Variants in MGAT4C observed in about 807,000 individuals in gnomAD.
MGAT4C encodes the protein MGAT4 family member C, also known as alpha-1,3-mannosyl-glycoprotein 4-beta-N-acetylglucosaminyltransferase C.
A neutral mutation model predicts 40.1 loss-of-function variants in MGAT4C; 19 were observed. That is an observed-to-expected ratio of 0.47 (90% CI 0.33 to 0.70). The LOEUF (loss-of-function observed/expected upper bound fraction) is 0.70, where lower values mean the gene tolerates loss of function less well. Ranked by LOEUF, MGAT4C falls within the 30% of genes least tolerant of loss-of-function variation. The pLI, the probability that MGAT4C is intolerant of heterozygous loss-of-function variation, is 0.02. For missense variants in MGAT4C, 491 were observed against 563.2 expected (o/e 0.87, Z 1.30); for synonymous variants, 181 against 187.1 (o/e 0.97, Z 0.27).
At chr12:86,673,090 A>G (rs2136566309) in intron 2 of MGAT4C, among the ~76,000 whole-genome samples, 1 of 152,280 alleles carries the variant, frequency 6.6e-6, no homozygotes, top group South Asian at 2.1e-4. Flanking sequence ...TCAGTGCCAA[A>G]GTGATAACTA....
At chr12:86,131,601 A>C (rs1881189795) in intron 1 of MGAT4C, among the ~76,000 whole-genome samples, 1 of 152,060 alleles carries the variant, frequency 6.6e-6, no homozygotes, top group Non-Finnish European at 1.5e-5. Context: ...AAATGTGCTA[A>C]AATATTTTAA....
chr12:86,228,700 T>G (rs1476611578), intron 1 of MGAT4C, among the ~76,000 whole-genome samples: 1 of 151,958 alleles, frequency 6.6e-6, no homozygotes, highest in Non-Finnish European at 1.5e-5. Flanking sequence ...TCCTGTTTTC[T>G]CTTTATGTAT....
At chr12:86,352,872 TG>T (rs138346371) in intron 3 of MGAT4C, among the ~76,000 whole-genome samples, 12,663 of 79,462 alleles carry the variant, frequency 0.16, 759 homozygotes, top group Middle Eastern at 0.36. Context: ...TGTTGTTGGG[TG>T]GGGGAAGGGG....
chr12:86,712,856 C>T (rs1161089046), intron 2 of MGAT4C, among the ~76,000 whole-genome samples: 1 of 152,002 alleles, frequency 6.6e-6, no homozygotes, highest in African/African-American at 2.4e-5. Flanking sequence ...TTTCCACCAC[C>T]CAATACCTAT....
chr12:86,412,260 C>T (rs1333070544), intron 3 of MGAT4C, among the ~76,000 whole-genome samples: 1 of 152,158 alleles, frequency 6.6e-6, no homozygotes, highest in African/African-American at 2.4e-5. Flanking sequence ...CTTCAGACAC[C>T]AGAATGGTAT....
At chr12:86,143,359 A>T (rs1236009591) in intron 1 of MGAT4C, among the ~76,000 whole-genome samples, 1 of 152,196 alleles carries the variant, frequency 6.6e-6, no homozygotes, top group African/African-American at 2.4e-5. Flanking sequence ...TTCCCTGGAC[A>T]AAACCAATTT....
chr12:86,380,950 A>G (rs1031734810), intron 3 of MGAT4C, among the ~76,000 whole-genome samples: 2 of 152,200 alleles, frequency 1.3e-5, no homozygotes, highest in Non-Finnish European at 2.9e-5. Context: ...GTATATGAAA[A>G]TATGAGAAAA....
At chr12:86,509,992 T>A (rs1165196826) in intron 2 of MGAT4C, among the ~76,000 whole-genome samples, 2 of 152,150 alleles carry the variant, frequency 1.3e-5, no homozygotes, top group African/African-American at 4.8e-5. Context: ...AGATATACAG[T>A]CATGTCGTCT....
intron 1 of MGAT4C, among the ~76,000 whole-genome samples, chr12:86,133,822 T>G (rs1881579090): frequency 6.6e-6 from 1 of 152,068 alleles, no homozygotes; most frequent in African/African-American, 2.4e-5. Context: ...CAATAGACCT[T>G]TTGGATGACA....
At chr12:86,463,106 A>G (rs2136297184) in intron 2 of MGAT4C, among the ~76,000 whole-genome samples, 1 of 152,268 alleles carries the variant, frequency 6.6e-6, no homozygotes, top group South Asian at 2.1e-4. Context: ...TGGAGCCTAC[A>G]TCTGGAGCCC....
chr12:86,122,863 T>G (rs1879622857), intron 1 of MGAT4C, among the ~76,000 whole-genome samples: 1 of 152,156 alleles, frequency 6.6e-6, no homozygotes, highest in Admixed American at 6.6e-5. Context: ...ATACAAATTG[T>G]GTCAACACAG....
chr12:86,495,298 G>GGAGGAAAGA (rs1242684259), intron 2 of MGAT4C: 4 of 152,044 alleles, frequency 2.6e-5, no homozygotes, highest in Non-Finnish European at 5.9e-5. Context: ...TCGAGGAAAA[G>GGAGGAAAGA]GAGGAAAGAA....
At chr12:86,109,188 A>C (rs1876762430) in intron 1 of MGAT4C, among the ~76,000 whole-genome samples, 1 of 152,132 alleles carries the variant, frequency 6.6e-6, no homozygotes, top group South Asian at 2.1e-4. Context: ...AATTAATTAG[A>C]CACTAGCACC....
At chr12:86,731,931 T>G (rs1950916681) in intron 1 of MGAT4C, among the ~76,000 whole-genome samples, 1 of 152,090 alleles carries the variant, frequency 6.6e-6, no homozygotes. Context: ...AAGATAGGTA[T>G]AGCTCCTTAT....
At chr12:86,760,887 A>T (rs1376271408) in intron 1 of MGAT4C, among the ~76,000 whole-genome samples, 1 of 152,176 alleles carries the variant, frequency 6.6e-6, no homozygotes, top group Non-Finnish European at 1.5e-5. Context: ...AAAACTAGAA[A>T]ATGCAAACTC....
chr12:86,708,404 T>C (rs1041638692), intron 2 of MGAT4C, among the ~76,000 whole-genome samples: 5 of 152,242 alleles, frequency 3.3e-5, no homozygotes, highest in African/African-American at 1.2e-4. Context: ...GCTGCAAGGG[T>C]GGGGCCCTCA....
Position 85,955,748 on chromosome 12 carries a change from T to A in MGAT4C, c.*23541A>T, listed in dbSNP as rs1034008269. On this transcript the variant is annotated 3_prime_UTR_variant, in exon 5 of 5. Coordinates refer to ENST00000611864, the MANE Select transcript of MGAT4C (RefSeq NM_001351288.2). ...TTCTGAATTTGTTGCTTCAAATGAATAATAAATTGCAGACACAGGTATTAA... is the reference window on the plus strand; with the variant it reads ...TTCTGAATTTGTTGCTTCAAATGAAAAATAAATTGCAGACACAGGTATTAA... 1 of 152,166 alleles carries A rather than the reference T, an allele frequency of 6.6e-6. No individual in the cohort carries two copies. The highest frequency in any genetic ancestry group is 1.5e-5 in the Non-Finnish European group (1 of 67,992). The allele number at this position is 152,166 out of a possible 1,614,324, so 9.4% of individuals were successfully genotyped here.
intron 1 of MGAT4C, among the ~76,000 whole-genome samples, chr12:86,748,597 C>G (rs1311266400): frequency 6.6e-6 from 1 of 151,550 alleles, no homozygotes; most frequent in Non-Finnish European, 1.5e-5. Flanking sequence ...TTTTGGAAAT[C>G]AGAGTAGGAG....
rs1958706483 is a variant in MGAT4C at position 86,517,206 on chromosome 12, T to C, written c.-228-81941A>G. Among the ~76,000 whole-genome samples the C allele has an allele frequency of 1.3e-5, 2 of 152,196 alleles. 1 individual carries two copies. Among genetic ancestry groups the C allele is most frequent in the East Asian group, 3.8e-4 (2 of 5,202 alleles). On this transcript the variant is annotated intron_variant, in intron 2 of 7. Coordinates refer to the MGAT4C transcript ENST00000548651. Reference sequence around the variant, plus strand: ...ATGAAAATGTTCTGGAATTAGATAGTGGTGATGGCCACACAGTTTTGTGAA... The same window carrying C: ...ATGAAAATGTTCTGGAATTAGATAGCGGTGATGGCCACACAGTTTTGTGAA...
Sources: gnomAD v4.1 joint callset for allele counts (sites outside exome capture counted in the v4.1 genomes callset) on GRCh38, gnomAD v4.1.1 for gene constraint, MANE v1.5 for transcripts, NCBI Gene and HGNC (gene_info 2026-07-23, HGNC 2026-07-21) for gene names.